CELF2: variants seen among roughly 807,000 people sequenced by gnomAD.
CELF2 encodes the protein CUGBP Elav-like family member 2, also known as CUG triplet repeat RNA-binding protein 2.
A neutral mutation model predicts 62.6 loss-of-function variants in CELF2; 8 were observed. The ratio of observed to expected loss-of-function variants is 0.13; its 90% CI spans 0.07 to 0.23. The LOEUF (loss-of-function observed/expected upper bound fraction) is 0.23, where lower values mean the gene tolerates loss of function less well. Among genes scored for constraint, CELF2 ranks in the 10% least tolerant of loss-of-function variants. The pLI is 1.00. For synonymous variants in CELF2, 258 were observed against 250.0 expected (o/e 1.03, Z -0.30); for missense variants, 333 against 671.0 (o/e 0.50, Z 5.56).
At chr10:11,259,298 G>A (rs1270398278) in intron 5 of CELF2, among the ~76,000 whole-genome samples, 1 of 152,150 alleles carries the variant, frequency 6.6e-6, no homozygotes, top group Non-Finnish European at 1.5e-5. Context: ...TAGAATGGAA[G>A]GCCGAGAGAA....
At chr10:10,528,098 G>T in the CELF2 span, among the ~76,000 whole-genome samples, 1 of 152,260 alleles carries the variant, frequency 6.6e-6, no homozygotes, top group African/African-American at 2.4e-5. Flanking sequence ...AAACCAGCTC[G>T]CCAGATGTGC....
chr10:10,930,413 T>C (rs2065944708), intron 2 of CELF2, among the ~76,000 whole-genome samples: 1 of 152,242 alleles, frequency 6.6e-6, no homozygotes, highest in Non-Finnish European at 1.5e-5. Flanking sequence ...TTCAAAGCTA[T>C]GTTGCATGAT....
chr10:11,182,372 GC>G (rs1285636830), intron 2 of CELF2, among the ~76,000 whole-genome samples: 1 of 152,134 alleles, frequency 6.6e-6, no homozygotes, highest in African/African-American at 2.4e-5. Context: ...TTCACTTAGT[GC>G]CAAGACATAC....
At chr10:10,796,812 A>C, upstream of CELF2, 1 of 792,934 alleles carries the variant, frequency 1.3e-6, no homozygotes, top group Non-Finnish European at 1.5e-6. Flanking sequence ...AAATGTTTGC[A>C]CATGATTACG....
chr10:10,596,389 T>A, the CELF2 span, among the ~76,000 whole-genome samples: 1 of 152,204 alleles, frequency 6.6e-6, no homozygotes, highest in East Asian at 1.9e-4. Flanking sequence ...ATCCACCCAC[T>A]CTCCACTTTG....
chr10:11,253,712 A>G (rs568617748), intron 4 of CELF2, among the ~76,000 whole-genome samples: 1 of 152,292 alleles, frequency 6.6e-6, no homozygotes, highest in East Asian at 1.9e-4. Flanking sequence ...CACCCCGTGT[A>G]TTTAAAGTAT....
At chr10:11,063,388 T>C (rs1052248067) in intron 1 of CELF2, among the ~76,000 whole-genome samples, 1 of 152,220 alleles carries the variant, frequency 6.6e-6, no homozygotes, top group Non-Finnish European at 1.5e-5. Flanking sequence ...TCATGACTTA[T>C]CTATAAAATC....
chr10:11,066,880 T>C (rs2068312219), intron 1 of CELF2, among the ~76,000 whole-genome samples: 1 of 152,112 alleles, frequency 6.6e-6, no homozygotes, highest in Non-Finnish European at 1.5e-5. Flanking sequence ...CTGCATCTCC[T>C]CCCTTCCCCC....
At chr10:10,824,919 C>G (rs1251242238) in intron 1 of CELF2, among the ~76,000 whole-genome samples, 1 of 152,178 alleles carries the variant, frequency 6.6e-6, no homozygotes, top group African/African-American at 2.4e-5. Flanking sequence ...CCTGGGCCAC[C>G]TAATGGAAAT....
At chr10:10,474,613 A>G in the CELF2 span, among the ~76,000 whole-genome samples, 2 of 152,056 alleles carry the variant, frequency 1.3e-5, no homozygotes, top group Admixed American at 1.3e-4. Flanking sequence ...AACCATGTAA[A>G]ATTGGAAAAA....
At chr10:10,971,823 G>A (rs945787807) in intron 2 of CELF2, among the ~76,000 whole-genome samples, 1 of 152,134 alleles carries the variant, frequency 6.6e-6, no homozygotes, top group Non-Finnish European at 1.5e-5. Context: ...CTGACCTCAG[G>A]TGATCCACCC....
chr10:10,999,090 G>A (rs1450166832), intron 2 of CELF2, among the ~76,000 whole-genome samples: 1 of 152,116 alleles, frequency 6.6e-6, no homozygotes, highest in Non-Finnish European at 1.5e-5. Flanking sequence ...CTTAAAGTTA[G>A]GAACAGGCCC....
At chr10:11,141,091 C>T (rs905667238) in intron 1 of CELF2, among the ~76,000 whole-genome samples, 1 of 152,202 alleles carries the variant, frequency 6.6e-6, no homozygotes, top group East Asian at 1.9e-4. Flanking sequence ...TGAACACTCA[C>T]CACATGCCGG....
At chr10:10,655,103 T>C in the CELF2 span, among the ~76,000 whole-genome samples, 9 of 150,540 alleles carry the variant, frequency 6.0e-5, no homozygotes, top group African/African-American at 1.7e-4. Flanking sequence ...AAATCATGAG[T>C]GAACTCCCAT....
intron 1 of CELF2, among the ~76,000 whole-genome samples, chr10:10,836,830 T>C (rs2058328092): frequency 2.0e-5 from 3 of 152,028 alleles, no homozygotes; most frequent in Non-Finnish European, 4.4e-5. Flanking sequence ...AGAGATGGGG[T>C]TTCACCGCGT....
the CELF2 span, among the ~76,000 whole-genome samples, chr10:10,484,419 C>T: frequency 1.3e-4 from 19 of 141,490 alleles, no homozygotes; most frequent in African/African-American, 3.8e-4. Context: ...TGGGTTCACG[C>T]GATTCTCCTG....
At chr10:11,235,659 G>A (rs1019184368) in intron 3 of CELF2, among the ~76,000 whole-genome samples, 1 of 152,148 alleles carries the variant, frequency 6.6e-6, no homozygotes, top group Non-Finnish European at 1.5e-5. Context: ...AACTATGGAA[G>A]ACGAGATGAA....
chr10:10,513,916 C>G, the CELF2 span, among the ~76,000 whole-genome samples: 2 of 152,168 alleles, frequency 1.3e-5, no homozygotes, highest in African/African-American at 2.4e-5. Context: ...TAAGCAAAAC[C>G]TAGATCTCTC....
chr10:11,073,615 G>T (rs962805903), intron 1 of CELF2, among the ~76,000 whole-genome samples: 5 of 152,208 alleles, frequency 3.3e-5, no homozygotes, highest in African/African-American at 1.2e-4. Flanking sequence ...CTGGTTTCAA[G>T]TGGAATGGTT....
Sources: allele counts gnomAD v4.1 joint callset (sites outside exome capture counted in the v4.1 genomes callset), GRCh38; gene constraint gnomAD v4.1.1; transcripts MANE v1.5; gene names NCBI Gene and HGNC (gene_info 2026-07-23, HGNC 2026-07-21).